TMEM254: variants seen among roughly 807,000 people sequenced by gnomAD.
TMEM254 encodes the protein transmembrane protein C10orf57.
A neutral mutation model predicts 13.9 loss-of-function variants in TMEM254; 16 were observed. The observed-to-expected ratio is 1.15, with a 90% CI of 0.78 to 1.75. The LOEUF (loss-of-function observed/expected upper bound fraction) is 1.75, where lower values mean the gene tolerates loss of function less well. TMEM254 is among the 40% of genes most tolerant of loss of function. The probability of loss-of-function intolerance (pLI) is 0.00; values close to 1 mark genes in which losing one functional copy is unlikely to be tolerated. For missense variants in TMEM254, 155 were observed against 149.0 expected (o/e 1.04, Z -0.21); for synonymous variants, 61 against 56.4 (o/e 1.08, Z -0.36).
chr10:80,081,735 G>A (rs1274136377), intron 1 of TMEM254, 106 bp from the exon 2 acceptor site: 3 of 1,608,712 alleles, frequency 1.9e-6, no homozygotes, highest in South Asian at 1.1e-5. Flanking sequence ...AGTTTCTTCG[G>A]TCTGTGGTAA....
At chr10:80,078,896 C>A in intron 1 of TMEM254, 110 bp downstream of exon 1, 1 of 1,525,348 alleles carries the variant, frequency 6.6e-7, no homozygotes, top group Non-Finnish European at 8.9e-7. Context: ...CAAGCACAAT[C>A]CCGACTCCCG....
chr10:80,083,620 A>G (rs1212006542), intron 3 of TMEM254, among the ~76,000 whole-genome samples: 2 of 152,172 alleles, frequency 1.3e-5, no homozygotes, highest in African/African-American at 4.8e-5. Context: ...CTAATTCAAA[A>G]TGTCTGTTTT....
At position 80,078,673 on chromosome 10, in the gene TMEM254, G is replaced by A. The variant is rs1419758001; in HGVS notation, c.-27G>A. 2.5e-6 allele frequency: 4 copies of A among 1,573,354 alleles called. No individual in the cohort carries two copies. In the South Asian group the frequency reaches 4.6e-5, roughly 18 times the overall value. On this transcript the variant is annotated 5_prime_UTR_variant, in exon 1 of 4. Coordinates refer to ENST00000372281, the MANE Select transcript of TMEM254 (RefSeq NM_025125.4). ...CGCTCGCGCTCGACGGTGTCCTGAA[G>A]CGCGCTCCCGGGGAGGTGTTGCAGC...
intron 1 of TMEM254, 178 bp downstream of exon 1, chr10:80,078,964 C>A: frequency 1.3e-6 from 2 of 1,535,826 alleles, no homozygotes; most frequent in Non-Finnish European, 8.8e-7. Flanking sequence ...GCATACTGGT[C>A]CGCCAGGGTC....
At chr10:80,086,698 G>A (rs1416965315) in intron 3 of TMEM254, among the ~76,000 whole-genome samples, 6 of 151,710 alleles carry the variant, frequency 4.0e-5, no homozygotes, top group South Asian at 4.2e-4. Context: ...AAAATTAGCC[G>A]GGCATGGTGG....
rs1160361175 is a variant in TMEM254, at chr10:80,078,726, C to G, written c.27C>G (p.Tyr9Ter). MATAAGAT[Y>*]FQRGSLFWFT... ...TGGCTACGGCAGCCGGCGCGACCTA[C>G]TTTCAGCGAGGCAGTCTGTTCTGGT... The change falls in exon 1 of 4, where the codon TAC becomes TAG. Residue 9 changes from tyrosine (Y) to a stop codon, truncating the protein, a stop_gained. Coordinates refer to ENST00000372281, the MANE Select transcript of TMEM254 (RefSeq NM_025125.4). LOFTEE classifies it high-confidence loss of function. The G allele has an allele frequency of 6.2e-7, 1 of 1,607,360 alleles. No homozygotes were observed. The highest frequency in any genetic ancestry group is 8.5e-7 in the Non-Finnish European group (1 of 1,177,740).
rs1317933822 is a variant in TMEM254 at position 80,092,037 on chromosome 10, C to G, written c.*1120C>G. 6.6e-6 allele frequency: 1 copy of G among 152,124 alleles called. No homozygotes were observed. Among genetic ancestry groups the G allele is most frequent in the African/African-American group, 2.4e-5 (1 of 41,412 alleles). The allele number at this position is 152,124 out of a possible 1,614,324, so 9.4% of individuals were successfully genotyped here. A position where few individuals can be genotyped will look rare whatever the true frequency, so the allele number is the denominator to read the frequency against. On this transcript the variant is annotated 3_prime_UTR_variant, in exon 4 of 4. Transcript: ENST00000372281. ...CATGGGTTATCTGGCTAGTTATTACCTCTCCTGTTCACTTAGTTATACTTT... is the reference window on the plus strand; with the variant it reads ...CATGGGTTATCTGGCTAGTTATTACGTCTCCTGTTCACTTAGTTATACTTT...
chr10:80,087,005 T>G (rs1356739104), intron 3 of TMEM254, among the ~76,000 whole-genome samples: 1 of 152,116 alleles, frequency 6.6e-6, no homozygotes, highest in African/African-American at 2.4e-5. Flanking sequence ...TCTCACTCTA[T>G]TGCCCAGGCT....
At chr10:80,086,363 G>A in intron 3 of TMEM254, 1 of 684,526 alleles carries the variant, frequency 1.5e-6, no homozygotes, top group Non-Finnish European at 2.2e-6. Context: ...AAGCACTGCT[G>A]TTCAGTGAGC....
chr10:80,079,036 G>C lies in TMEM254; in HGVS notation c.87+250G>C, dbSNP rs1220235157. The C allele has an allele frequency of 1.9e-5, 29 of 1,505,218 alleles. No individual in the cohort carries two copies. The Admixed American group carries it at 4.9e-4, about 25-fold the overall frequency. 93.2% of individuals were successfully genotyped at this position (1,505,218 alleles called of 1,614,324 possible). On this transcript the variant is annotated intron_variant, in intron 1 of 3. Transcript: ENST00000372281. ...CCAGGCTTTTCTTATATGGGGGCGG[G>C]GACGGCTGGGGAGCTCCCAGCCAAC...
At chr10:80,086,236 A>G (rs1179415551) in intron 3 of TMEM254, 2 of 1,475,508 alleles carry the variant, frequency 1.4e-6, no homozygotes, top group Admixed American at 5.8e-5. Flanking sequence ...AATAGGCAAA[A>G]TGAGCTAAGA....
chr10:80,090,704 T>G (rs1443737547), intron 3 of TMEM254, 93 bp from the exon 4 acceptor site: 27 of 1,190,736 alleles, frequency 2.3e-5, no homozygotes, highest in African/African-American at 1.6e-5. Flanking sequence ...TAGTGGAAGG[T>G]ATAATTTAAA....
At chr10:80,084,218 A>G (rs187274892) in intron 3 of TMEM254, among the ~76,000 whole-genome samples, 6 of 152,112 alleles carry the variant, frequency 3.9e-5, no homozygotes, top group Admixed American at 1.3e-4. Flanking sequence ...TTGAGACACT[A>G]CTCATCACCA....
intron 3 of TMEM254, among the ~76,000 whole-genome samples, chr10:80,086,800 G>A (rs1211700893): frequency 1.4e-5 from 2 of 144,884 alleles, no homozygotes; most frequent in Admixed American, 7.0e-5. Context: ...GAGATCGCAC[G>A]ACTGCACTCC....
In TMEM254 at chr10:80,091,072, C is replaced by A; in HGVS notation, c.*155C>A. ...ACCCCCTCGTTAGTCAGTTTTTTCT[C>A]TTATATGCTCTGGTTGAGCTTGAAT... On this transcript the variant is annotated 3_prime_UTR_variant, in exon 4 of 4. Transcript: ENST00000372281. 1.1e-6 allele frequency: 1 copy of A among 877,498 alleles called. No homozygotes were observed. The highest frequency in any genetic ancestry group is 2.7e-5 in the East Asian group (1 of 37,324). The allele number at this position is 877,498 out of a possible 1,614,324, so 54.4% of individuals were successfully genotyped here. A position where few individuals can be genotyped will look rare whatever the true frequency, so the allele number is the denominator to read the frequency against.
rs777672833 is a variant in TMEM254 at position 80,078,811 on chromosome 10, CG to C, written c.87+27del. On this transcript the variant is annotated intron_variant, in intron 1 of 3. Coordinates refer to ENST00000372281, the MANE Select transcript of TMEM254 (RefSeq NM_025125.4). ...AGTAAGGACAGCCGCTGGAGCGCTA[CG>C]GTCTGACGAACGAGCGAGCGCTCGG... 4.4e-5 allele frequency: 69 copies of C among 1,579,636 alleles called. No homozygotes were observed. In the African/African-American group the frequency reaches 7.2e-4, roughly 16 times the overall value.
intron 3 of TMEM254, among the ~76,000 whole-genome samples, chr10:80,090,084 CTG>C (rs1844509174): frequency 6.6e-6 from 1 of 151,112 alleles, no homozygotes; most frequent in Admixed American, 6.6e-5. Context: ...CTGTTTTAAT[CTG>C]TTACTGTAGA....
At chr10:80,079,108 A>T in intron 1 of TMEM254, 1 of 1,345,924 alleles carries the variant, frequency 7.4e-7, no homozygotes, top group Non-Finnish European at 9.8e-7. Flanking sequence ...GAGGCCAGCA[A>T]TGCGGCTACC....
At chr10:80,086,595 C>A (rs1458011938) in intron 3 of TMEM254, among the ~76,000 whole-genome samples, 1 of 151,888 alleles carries the variant, frequency 6.6e-6, no homozygotes, top group Non-Finnish European at 1.5e-5. Flanking sequence ...GTAATCTCAG[C>A]ACTTTGGGAG....
Sources: gnomAD v4.1 joint callset for allele counts (sites outside exome capture counted in the v4.1 genomes callset) on GRCh38, gnomAD v4.1.1 for gene constraint, MANE v1.5 for transcripts, NCBI Gene and HGNC (gene_info 2026-07-23, HGNC 2026-07-21) for gene names.